Variants in STPG2 observed in about 807,000 individuals in gnomAD.
STPG2 encodes sperm-tail PG-rich repeat-containing protein 2.
In STPG2, 56 loss-of-function variants were observed where a neutral mutation model predicts 54.2. The ratio of observed to expected loss-of-function variants is 1.03; its 90% CI spans 0.83 to 1.29. The LOEUF (loss-of-function observed/expected upper bound fraction) is 1.29. Among genes scored for constraint, STPG2 ranks in the 50% most tolerant of loss-of-function variants. The pLI is 0.00. For synonymous variants in STPG2, 200 were observed against 181.8 expected, an observed-to-expected ratio of 1.10 and a Z score of -0.81; for missense variants, 596 against 544.9, an observed-to-expected ratio of 1.09 and a Z score of -0.93.
At chr4:98,109,385 G>T in intron 3 of STPG2, 80 bp from the exon 4 acceptor site, 1 of 1,061,240 alleles carries the variant, frequency 9.4e-7, no homozygotes, top group Non-Finnish European at 1.4e-6. Flanking sequence ...CTTTACCTAA[G>T]TCTAAATCTA....
intron 10 of STPG2, among the ~76,000 whole-genome samples, chr4:97,681,304 T>C (rs564041173): frequency 6.6e-6 from 1 of 151,934 alleles, no homozygotes; most frequent in East Asian, 1.9e-4. Context: ...ATGTTCGATA[T>C]AGAACAAGAA....
intron 10 of STPG2, among the ~76,000 whole-genome samples, chr4:97,652,298 T>G (rs759562591): frequency 1.8e-4 from 28 of 151,982 alleles, no homozygotes; most frequent in South Asian, 1.5e-3. Context: ...TTTTACAACT[T>G]TAAGGGAAAA....
chr4:97,833,079 C>T (rs1728518427), intron 9 of STPG2, among the ~76,000 whole-genome samples: 1 of 152,104 alleles, frequency 6.6e-6, no homozygotes, highest in African/African-American at 2.4e-5. Flanking sequence ...AGAAAAAAAG[C>T]TGGAGGCATC....
intron 5 of STPG2, 114 bp downstream of exon 5, chr4:98,105,839 A>G: frequency 1.1e-6 from 1 of 885,192 alleles, no homozygotes; most frequent in Non-Finnish European, 1.6e-6. Flanking sequence ...ATATTCATTG[A>G]ATGACGATTA....
intron 9 of STPG2, among the ~76,000 whole-genome samples, chr4:97,827,430 C>T (rs921754077): frequency 9.2e-5 from 14 of 151,848 alleles, no homozygotes; most frequent in African/African-American, 2.9e-4. Flanking sequence ...AGAGACGGGG[C>T]TTCACCGTGT....
At chr4:98,122,471 T>C (rs1394142319) in intron 3 of STPG2, among the ~76,000 whole-genome samples, 1 of 152,332 alleles carries the variant, frequency 6.6e-6, no homozygotes, top group Non-Finnish European at 1.5e-5. Context: ...ATTTTTGTAT[T>C]TAGTTCTGTT....
At chr4:97,938,153 AGGC>A (rs1222063217) in intron 8 of STPG2, among the ~76,000 whole-genome samples, 2 of 152,136 alleles carry the variant, frequency 1.3e-5, no homozygotes, top group Non-Finnish European at 2.9e-5. Context: ...TGGCCTACGA[AGGC>A]AGCCTGGCCA....
intron 5 of STPG2, among the ~76,000 whole-genome samples, chr4:98,045,565 T>C (rs1326791384): frequency 6.6e-6 from 1 of 152,204 alleles, no homozygotes; most frequent in Non-Finnish European, 1.5e-5. Context: ...TTTATTTGCC[T>C]GAAAAAGTCC....
At chr4:98,067,105 C>T (rs1249376539) in intron 5 of STPG2, among the ~76,000 whole-genome samples, 3 of 152,162 alleles carry the variant, frequency 2.0e-5, no homozygotes, top group African/African-American at 7.2e-5. Context: ...TTCCTTCTCA[C>T]CCCTCTCATT....
chr4:97,481,218 A>C (rs937948276), intron 4 of STPG2, among the ~76,000 whole-genome samples: 1 of 151,580 alleles, frequency 6.6e-6, no homozygotes, highest in Non-Finnish European at 1.5e-5. Flanking sequence ...ACAATAGTCA[A>C]TTTTTGAACC....
chr4:97,444,361 A>C (rs143849522), intron 4 of STPG2, among the ~76,000 whole-genome samples: 1 of 152,296 alleles, frequency 6.6e-6, no homozygotes, highest in Non-Finnish European at 1.5e-5. Flanking sequence ...ATTAGAGTAA[A>C]ATTGACTTTT....
chr4:98,126,186 T>C (rs1334140591), intron 3 of STPG2, among the ~76,000 whole-genome samples: 1 of 152,190 alleles, frequency 6.6e-6, no homozygotes, highest in Non-Finnish European at 1.5e-5. Flanking sequence ...TGATGCTGCT[T>C]GGTTCCCTGG....
chr4:97,788,782 AT>A (rs1434820401), intron 9 of STPG2, among the ~76,000 whole-genome samples: 1 of 152,012 alleles, frequency 6.6e-6, no homozygotes, highest in Non-Finnish European at 1.5e-5. Flanking sequence ...CCACTTTTTA[AT>A]TCCTGATATT....
Position 98,025,797 on chromosome 4 carries a change from C to T in STPG2, c.613-44479G>A, listed in dbSNP as rs184240863. Reference sequence around the variant, plus strand: ...TACAATGTGGAAAGCATTGATGGTCCGCCGGGTGCCTTTACCTGCTATTTG... The same window carrying T: ...TACAATGTGGAAAGCATTGATGGTCTGCCGGGTGCCTTTACCTGCTATTTG... On this transcript the variant is annotated intron_variant, in intron 5 of 10. Coordinates refer to ENST00000295268, the MANE Select transcript of STPG2 (RefSeq NM_174952.3). 533 of 1,579,058 alleles carry T rather than the reference C, an allele frequency of 3.4e-4. 2 individuals are homozygous for T. Among genetic ancestry groups the T allele is most frequent in the Admixed American group, 5.7e-4 (34 of 59,928 alleles).
intron 10 of STPG2, among the ~76,000 whole-genome samples, chr4:97,563,210 A>G (rs1190760128): frequency 6.6e-6 from 1 of 151,938 alleles, no homozygotes; most frequent in African/African-American, 2.4e-5. Flanking sequence ...TTTCTTCTAG[A>G]TTTTCTAGTT....
At chr4:97,812,025 G>C (rs1727755500) in intron 9 of STPG2, among the ~76,000 whole-genome samples, 1 of 151,956 alleles carries the variant, frequency 6.6e-6, no homozygotes, top group Non-Finnish European at 1.5e-5. Context: ...TTTAGCGACT[G>C]ACAAATATAA....
At chr4:97,597,018 G>A (rs770089619) in intron 10 of STPG2, among the ~76,000 whole-genome samples, 1 of 151,962 alleles carries the variant, frequency 6.6e-6, no homozygotes, top group Non-Finnish European at 1.5e-5. Context: ...CAGATGCCCA[G>A]CTAGACTAAG....
At chr4:98,006,363 C>G (rs1005014695) in intron 5 of STPG2, among the ~76,000 whole-genome samples, 1 of 152,176 alleles carries the variant, frequency 6.6e-6, no homozygotes, top group Non-Finnish European at 1.5e-5. Flanking sequence ...ATACCTAAAG[C>G]TAACATGAGG....
intron 10 of STPG2, among the ~76,000 whole-genome samples, chr4:97,705,453 G>A (rs1723912560): frequency 6.6e-6 from 1 of 151,898 alleles, no homozygotes; most frequent in African/African-American, 2.4e-5. Flanking sequence ...TGCCTCCTAA[G>A]CAGCTGGGAC....
Sources: allele counts gnomAD v4.1 joint callset (sites outside exome capture counted in the v4.1 genomes callset), GRCh38; gene constraint gnomAD v4.1.1; transcripts MANE v1.5; gene names NCBI Gene and HGNC (gene_info 2026-07-23, HGNC 2026-07-21).